SEC63: variants seen among roughly 807,000 people sequenced by gnomAD.
SEC63 encodes the protein SEC63 protein translocation regulator.
SEC63 carries 56 observed loss-of-function variants against 116.2 expected under a neutral mutation model. That is an observed-to-expected ratio of 0.48 (90% CI 0.39 to 0.60). The LOEUF (loss-of-function observed/expected upper bound fraction) is 0.60, where lower values mean the gene tolerates loss of function less well. Ranked by LOEUF, SEC63 falls within the 20% of genes least tolerant of loss-of-function variation. The pLI is 0.00. For synonymous variants in SEC63, 273 were observed against 294.6 expected, an observed-to-expected ratio of 0.93 and a Z score of 0.75; for missense variants, 668 against 900.0, an observed-to-expected ratio of 0.74 and a Z score of 3.30.
At chr6:107,941,550 T>G (rs1052554318) in intron 1 of SEC63, among the ~76,000 whole-genome samples, 1 of 150,038 alleles carries the variant, frequency 6.7e-6, no homozygotes, top group Admixed American at 6.6e-5. Context: ...TGGCATACAG[T>G]GGAAGAAAAA....
At chr6:107,939,694 C>A (rs529805278) in intron 1 of SEC63, among the ~76,000 whole-genome samples, 19 of 152,050 alleles carry the variant, frequency 1.2e-4, no homozygotes, top group African/African-American at 4.6e-4. Flanking sequence ...CAAGATCACG[C>A]CACTGCACTC....
chr6:107,902,116 A>T (rs1210999628), intron 12 of SEC63, among the ~76,000 whole-genome samples: 1 of 152,116 alleles, frequency 6.6e-6, no homozygotes, highest in Admixed American at 6.5e-5. Context: ...CACAGATTAG[A>T]TCATGAGGCA....
chr6:107,903,695 A>ATAAT, intron 11 of SEC63, among the ~76,000 whole-genome samples: 1 of 152,310 alleles, frequency 6.6e-6, no homozygotes, highest in East Asian at 1.9e-4. Flanking sequence ...GATGCTGTCT[A>ATAAT]TAATTAATTA....
At chr6:107,907,607 C>G (rs1418181955) in intron 8 of SEC63, among the ~76,000 whole-genome samples, 2 of 152,098 alleles carry the variant, frequency 1.3e-5, no homozygotes, top group South Asian at 4.1e-4. Flanking sequence ...ATGTAATGTA[C>G]TCACAAAAGG....
chr6:107,955,144 T>C (rs1404898520), intron 1 of SEC63, among the ~76,000 whole-genome samples: 1 of 152,212 alleles, frequency 6.6e-6, no homozygotes, highest in African/African-American at 2.4e-5. Flanking sequence ...ATTACTTACA[T>C]GCTCTACCCT....
chr6:107,954,466 AAAAAAAAAAAAAAATC>A (rs1353397861), intron 1 of SEC63: 1 of 76,270 alleles, frequency 1.3e-5, no homozygotes, highest in Non-Finnish European at 2.7e-5. Flanking sequence ...TGATCAATTA[AAAAAAAAAAAAAAATC>A]AAAAAAAAAA....
Position 107,902,839 on chromosome 6 carries a change from A to G in SEC63, c.1209+5T>C, listed in dbSNP as rs777862702. The G allele has an allele frequency of 1.2e-6, 2 of 1,613,606 alleles. No individual in the cohort carries two copies. The highest frequency in any genetic ancestry group is 1.1e-5 in the South Asian group (1 of 91,066). ...AAAACTGACTTTAAAGTAGCAAAGA[A>G]TTACCTTCTTATGATTAGAAACCCG... On this transcript the variant is annotated splice_donor_5th_base_variant and intron_variant, in intron 12 of 20. Transcript: ENST00000369002.
chr6:107,893,408 T>C, intron 16 of SEC63, 74 bp downstream of exon 16: 5 of 1,436,802 alleles, frequency 3.5e-6, no homozygotes, highest in Non-Finnish European at 3.9e-6. Flanking sequence ...TTTGAAGCTG[T>C]ACACGTAAGA....
intron 1 of SEC63, among the ~76,000 whole-genome samples, chr6:107,950,510 A>G (rs542046595): frequency 2.4e-4 from 37 of 152,356 alleles, no homozygotes; most frequent in Non-Finnish European, 4.1e-4. Context: ...AGGATAGACT[A>G]TATGTTAAGC....
intron 16 of SEC63, among the ~76,000 whole-genome samples, chr6:107,890,232 C>A (rs1414263950): frequency 6.6e-6 from 1 of 151,958 alleles, no homozygotes; most frequent in Non-Finnish European, 1.5e-5. Context: ...TAAGAACTTG[C>A]TTTATGAATC....
chr6:107,921,313 C>CA (rs1056257149), intron 4 of SEC63, among the ~76,000 whole-genome samples: 1 of 151,962 alleles, frequency 6.6e-6, no homozygotes, highest in African/African-American at 2.4e-5. Context: ...GTTTACATGG[C>CA]AAAAATTACA....
chr6:107,899,613 G>C (rs1194851557), intron 13 of SEC63, among the ~76,000 whole-genome samples: 1 of 152,074 alleles, frequency 6.6e-6, no homozygotes, highest in Middle Eastern at 3.2e-3. Context: ...CAGCTACTTG[G>C]GAGGGCTGAG....
chr6:107,900,526 T>C (rs1786976387), intron 13 of SEC63, among the ~76,000 whole-genome samples: 1 of 152,070 alleles, frequency 6.6e-6, no homozygotes, highest in Non-Finnish European at 1.5e-5. Context: ...TGTGCACCTG[T>C]AGTCCCAGCT....
chr6:107,876,379 T>G (rs1224115445), intron 19 of SEC63, among the ~76,000 whole-genome samples, 185 bp downstream of exon 19: 6 of 152,104 alleles, frequency 3.9e-5, no homozygotes, highest in Non-Finnish European at 7.4e-5. Flanking sequence ...TTGCCTACCT[T>G]TAACAATTAT....
chr6:107,876,079 AAAC>A (rs1311522167), intron 19 of SEC63, among the ~76,000 whole-genome samples: 11 of 152,198 alleles, frequency 7.2e-5, no homozygotes, highest in African/African-American at 2.7e-4. Context: ...AAAACATGAA[AAAC>A]AACAACAAAA....
At chr6:107,920,206 G>T (rs575290809) in intron 4 of SEC63, among the ~76,000 whole-genome samples, 1 of 151,748 alleles carries the variant, frequency 6.6e-6, no homozygotes, top group Admixed American at 6.6e-5. Flanking sequence ...GGAGGATCAC[G>T]ACGTCAGGAA....
At chr6:107,947,084 T>C (rs1345006554) in intron 1 of SEC63, among the ~76,000 whole-genome samples, 1 of 152,106 alleles carries the variant, frequency 6.6e-6, no homozygotes, top group Non-Finnish European at 1.5e-5. Context: ...AAGCTAGTTT[T>C]TTCTAATGTT....
At chr6:107,935,290 T>C (rs1053369627) in intron 1 of SEC63, among the ~76,000 whole-genome samples, 1 of 151,380 alleles carries the variant, frequency 6.6e-6, no homozygotes, top group Non-Finnish European at 1.5e-5. Context: ...CTGGGAGGTG[T>C]GCCCAACAGC....
chr6:107,897,037 G>C (rs965947617), intron 14 of SEC63, among the ~76,000 whole-genome samples: 1 of 151,202 alleles, frequency 6.6e-6, no homozygotes, highest in Non-Finnish European at 1.5e-5. Flanking sequence ...AGGAGGGAGG[G>C]AGGGAAGGAA....
Sources: gnomAD v4.1 joint callset for allele counts (sites outside exome capture counted in the v4.1 genomes callset) on GRCh38, gnomAD v4.1.1 for gene constraint, MANE v1.5 for transcripts, NCBI Gene and HGNC (gene_info 2026-07-23, HGNC 2026-07-21) for gene names.